Variants in BDKRB2 observed in about 807,000 individuals in gnomAD.
BDKRB2 encodes the protein B2 bradykinin receptor.
In BDKRB2, 6 loss-of-function variants were observed where a neutral mutation model predicts 4.0. The observed-to-expected ratio is 1.49, with a 90% confidence interval of 0.81 to 2.93. The LOEUF is 2.93. Among genes scored for constraint, BDKRB2 ranks in the 30% most tolerant of loss-of-function variants. The probability of loss-of-function intolerance (pLI) is 0.00; values close to 1 mark genes in which losing one functional copy is unlikely to be tolerated. For synonymous variants in BDKRB2, 225 were observed against 215.3 expected (o/e 1.05, Z -0.40); for missense variants, 478 against 520.1 (o/e 0.92, Z 0.79).
Position 96,243,493 on chromosome 14 carries a change from C to A in BDKRB2, c.*1989C>A, listed in dbSNP as rs1464532991. ...GAGCCAGAACCTGGAGGGCTAGAAC[C>A]TGGAAGGGCTAGAACCTGTAGAGCT... On this transcript the variant is annotated 3_prime_UTR_variant, in exon 3 of 3. Coordinates refer to ENST00000554311, the MANE Select transcript of BDKRB2 (RefSeq NM_001379692.1). The A allele has an allele frequency of 7.6e-6, 1 of 130,844 alleles. No homozygotes were observed. Among genetic ancestry groups the A allele is most frequent in the African/African-American group, 2.6e-5 (1 of 38,338 alleles). 8.1% of individuals were successfully genotyped at this position (130,844 alleles called of 1,614,324 possible). A position where few individuals can be genotyped will look rare whatever the true frequency, so the allele number is the denominator to read the frequency against.
intron 1 of BDKRB2, among the ~76,000 whole-genome samples, chr14:96,210,322 G>C (rs754302085): frequency 2.2e-4 from 33 of 152,322 alleles, no homozygotes; most frequent in Non-Finnish European, 4.1e-4. Flanking sequence ...TGCGTTTGGG[G>C]TCTGGGGATT....
chr14:96,241,500 A>G lies in BDKRB2; in HGVS notation c.1172A>G (p.Gln391Arg). 6.6e-7 allele frequency: 1 copy of G among 1,525,388 alleles called. No homozygotes were observed. The highest frequency in any genetic ancestry group is 8.7e-7 in the Non-Finnish European group (1 of 1,144,284). The allele number at this position is 1,525,388 out of a possible 1,614,324, so 94.5% of individuals were successfully genotyped here. The stretch of plus-strand genomic sequence containing the variant: ...CTGCAGGACTGGGCAGGGAGCAGAC[A>G]GTGAGCAAACGCCAGCAGGGCTGCT... ...HKLQDWAGSR[Q>R] The change falls in exon 3 of 3, where the codon CAG becomes CGG. Residue 391 changes from glutamine (Q) to arginine (R), a missense_variant. Physicochemically the swap from Gln to Arg is conservative, Grantham distance 43. Transcript: ENST00000554311.
At position 96,241,331 on chromosome 14, in the gene BDKRB2, G is replaced by T; in HGVS notation, c.1003G>T (p.Val335Leu). 1 of 1,613,974 alleles carries T rather than the reference G, an allele frequency of 6.2e-7. No homozygotes were observed. The highest frequency in any genetic ancestry group is 8.5e-7 in the Non-Finnish European group (1 of 1,179,922). Residue 335 changes from valine to leucine, a missense_variant, in exon 3 of 3, where the codon GTG (valine) becomes TTG (leucine). Physicochemically the swap from Val to Leu is conservative, Grantham distance 32 (BLOSUM62 1). Transcript: ENST00000554311. ...CCTCAACCCACTGGTGTACGTGATC[G>T]TGGGCAAGCGCTTCCGAAAGAAGTC... Reference protein sequence around the residue: ...SCLNPLVYVIVGKRFRKKSWE... With the variant: ...SCLNPLVYVILGKRFRKKSWE...
In BDKRB2 at chr14:96,243,823, C is replaced by T. The variant is rs201596078; in HGVS notation, c.*2319C>T. 17 of 207,200 alleles carry T rather than the reference C, an allele frequency of 8.2e-5. No homozygotes were observed. The highest frequency in any genetic ancestry group is 1.2e-4 in the Non-Finnish European group (13 of 105,498). 12.8% of individuals were successfully genotyped at this position (207,200 alleles called of 1,614,324 possible). A position where few individuals can be genotyped will look rare whatever the true frequency, so the allele number is the denominator to read the frequency against. On this transcript the variant is annotated 3_prime_UTR_variant, in exon 3 of 3. Coordinates refer to ENST00000554311, the MANE Select transcript of BDKRB2 (RefSeq NM_001379692.1). ...GTATTAGTATTAGAATGAAGTCAAA[C>T]TGTGCCACACATGGTGAATGAAAAA... is the stretch of plus-strand genomic sequence containing the variant.
At chr14:96,235,118 C>T (rs1457060276) in intron 1 of BDKRB2, among the ~76,000 whole-genome samples, 2 of 152,032 alleles carry the variant, frequency 1.3e-5, no homozygotes, top group Non-Finnish European at 2.9e-5. Flanking sequence ...GAGGCCGAGG[C>T]GGGTGGATTG....
rs200693201 is a variant in BDKRB2 at position 96,240,404 on chromosome 14, G to A, written c.76G>A (p.Ala26Thr). Residue 26 changes from alanine (A) to threonine (T), a missense_variant and splice_region_variant, in exon 3 of 3, where the codon GCC (alanine) becomes ACC (threonine). Coordinates refer to ENST00000554311, the MANE Select transcript of BDKRB2 (RefSeq NM_001379692.1). ...DSVPTTASFS[A>T]DMLNVTLQGP... ...AGCCTCTTTTCCACTTTCTTTCAGC[G>A]CCGACATGCTCAATGTCACCTTGCA... The A allele has an allele frequency of 1.7e-5, 24 of 1,427,838 alleles. No homozygotes were observed. The highest frequency in any genetic ancestry group is 1.9e-4 in the Middle Eastern group (1 of 5,332). 88.4% of individuals were successfully genotyped at this position (1,427,838 alleles called of 1,614,324 possible).
rs149048772 is a variant in BDKRB2, at chr14:96,209,446, G to A, written c.-40+4487G>A. Among the ~76,000 whole-genome samples the A allele has an allele frequency of 2.9e-3, 445 of 152,208 alleles. 2 individuals carry two copies. The highest frequency in any genetic ancestry group is 0.017 in the Middle Eastern group (5 of 294). ...GGATGCACCCAGGAAAGAGGGACACGAAATCACAGGAAACATCTCTGGCCC... is the reference window on the plus strand; with the variant it reads ...GGATGCACCCAGGAAAGAGGGACACAAAATCACAGGAAACATCTCTGGCCC... On this transcript the variant is annotated intron_variant, in intron 1 of 2. Coordinates refer to ENST00000554311, the MANE Select transcript of BDKRB2 (RefSeq NM_001379692.1).
chr14:96,214,004 G>A (rs1257834446), intron 1 of BDKRB2, among the ~76,000 whole-genome samples: 2 of 152,178 alleles, frequency 1.3e-5, no homozygotes, highest in Admixed American at 6.5e-5. Flanking sequence ...GCAGGGAGGG[G>A]ACAGGAGGGG....
intron 1 of BDKRB2, among the ~76,000 whole-genome samples, chr14:96,210,040 A>G (rs1320162117): frequency 6.6e-6 from 1 of 151,264 alleles, no homozygotes; most frequent in Admixed American, 6.6e-5. Flanking sequence ...TCATCATAGC[A>G]TATAGGAAGC....
intron 1 of BDKRB2, among the ~76,000 whole-genome samples, chr14:96,223,674 A>G (rs902288136): frequency 2.6e-5 from 4 of 152,110 alleles, no homozygotes; most frequent in African/African-American, 9.7e-5. Flanking sequence ...GATCATGTCA[A>G]CTTGCTGTTT....
chr14:96,205,714 T>C (rs564181542), intron 1 of BDKRB2, among the ~76,000 whole-genome samples: 9 of 152,168 alleles, frequency 5.9e-5, no homozygotes, highest in South Asian at 4.1e-4. Flanking sequence ...TTTTGTCCTG[T>C]CTCCTGAGCT....
At chr14:96,226,740 G>A (rs1212720132) in intron 1 of BDKRB2, among the ~76,000 whole-genome samples, 3 of 152,116 alleles carry the variant, frequency 2.0e-5, no homozygotes, top group Admixed American at 1.3e-4. Context: ...CTGGTAGAAT[G>A]CCCACCCTCT....
chr14:96,241,330 C>A lies in BDKRB2; in HGVS notation c.1002C>A (p.Ile334=), dbSNP rs138780728. Reference sequence around the variant, plus strand: ...GCCTCAACCCACTGGTGTACGTGATCGTGGGCAAGCGCTTCCGAAAGAAGT... The same window carrying A: ...GCCTCAACCCACTGGTGTACGTGATAGTGGGCAAGCGCTTCCGAAAGAAGT... The part of the protein sequence containing the change: ...NSCLNPLVYV[I]VGKRFRKKSW... The change falls in exon 3 of 3, where the codon ATC becomes ATA. Residue 334 remains isoleucine (I), a synonymous_variant. Coordinates refer to ENST00000554311, the MANE Select transcript of BDKRB2 (RefSeq NM_001379692.1). 1.2e-6 allele frequency: 2 copies of A among 1,613,880 alleles called. No homozygotes were observed. The highest frequency in any genetic ancestry group is 1.7e-6 in the Non-Finnish European group (2 of 1,179,890).
At position 96,210,111 on chromosome 14, in the gene BDKRB2, C is replaced by T. The variant is rs1431256691; in HGVS notation, c.-40+5152C>T. On this transcript the variant is annotated intron_variant, in intron 1 of 2. Coordinates refer to ENST00000554311, the MANE Select transcript of BDKRB2 (RefSeq NM_001379692.1). Reference sequence around the variant, plus strand: ...ATGACTTTGGGTTCTATCCTTTGTTCCATACCTGTGAAGCTAAGCTGTTAA... The same window carrying T: ...ATGACTTTGGGTTCTATCCTTTGTTTCATACCTGTGAAGCTAAGCTGTTAA... 3.9e-5 allele frequency among the ~76,000 whole-genome samples: 6 copies of T among 152,116 alleles called. No homozygotes were observed. The East Asian group carries it at 1.2e-3, about 29-fold the overall frequency.
chr14:96,218,566 C>T (rs1890480770), intron 1 of BDKRB2, among the ~76,000 whole-genome samples: 1 of 152,148 alleles, frequency 6.6e-6, no homozygotes, highest in African/African-American at 2.4e-5. Context: ...ATCCCAGGCC[C>T]TGCTCTGCCA....
chr14:96,226,821 C>T (rs759263219), intron 1 of BDKRB2, among the ~76,000 whole-genome samples: 1 of 152,208 alleles, frequency 6.6e-6, no homozygotes, highest in Admixed American at 6.5e-5. Flanking sequence ...GAGCCCTTCC[C>T]ACACTAATAC....
chr14:96,218,851 G>A lies in BDKRB2; in HGVS notation c.-40+13892G>A, dbSNP rs148606274. Among the ~76,000 whole-genome samples, 231 of 152,042 alleles carry A rather than the reference G, an allele frequency of 1.5e-3. 2 individuals are homozygous for A. Among genetic ancestry groups the A allele is most frequent in the African/African-American group, 5.3e-3 (219 of 41,386 alleles). Reference sequence around the variant, plus strand: ...GGATAATTGCTTGAACCCAGGGGACGGAGGTTGCAGTGAGCCAAGATCACG... The same window carrying A: ...GGATAATTGCTTGAACCCAGGGGACAGAGGTTGCAGTGAGCCAAGATCACG... On this transcript the variant is annotated intron_variant, in intron 1 of 2. Coordinates refer to ENST00000554311, the MANE Select transcript of BDKRB2 (RefSeq NM_001379692.1).
Position 96,241,328 on chromosome 14 carries a change from A to C in BDKRB2, c.1000A>C (p.Ile334Leu). Residue 334 changes from isoleucine to leucine, a missense_variant, in exon 3 of 3, where the codon ATC (isoleucine) becomes CTC (leucine). Coordinates refer to ENST00000554311, the MANE Select transcript of BDKRB2 (RefSeq NM_001379692.1). ...NSCLNPLVYV[I>L]VGKRFRKKSW... ...CTGCCTCAACCCACTGGTGTACGTG[A>C]TCGTGGGCAAGCGCTTCCGAAAGAA... 3 of 1,614,032 alleles carry C rather than the reference A, an allele frequency of 1.9e-6. No individual in the cohort carries two copies. The highest frequency in any genetic ancestry group is 2.5e-6 in the Non-Finnish European group (3 of 1,179,964).
intron 2 of BDKRB2, chr14:96,237,745 G>A (rs1473394031): frequency 1.6e-6 from 2 of 1,289,730 alleles, no homozygotes; most frequent in Non-Finnish European, 2.0e-6. Flanking sequence ...TGAGCAGATG[G>A]CCATCTCAGC....
Sources: gnomAD v4.1 joint callset for allele counts (sites outside exome capture counted in the v4.1 genomes callset) on GRCh38, gnomAD v4.1.1 for gene constraint, MANE v1.5 for transcripts, NCBI Gene and HGNC (gene_info 2026-07-23, HGNC 2026-07-21) for gene names.